The following PRDM7 variants were observed in gnomAD, a reference collection of about 807,000 sequenced individuals.
The protein encoded by PRDM7 is histone-lysine N-methyltransferase PRDM7.
PRDM7 carries 52 observed loss-of-function variants against 64.3 expected under a neutral mutation model. That is an observed-to-expected ratio of 0.81 (90% CI 0.65 to 1.02). The LOEUF (loss-of-function observed/expected upper bound fraction) is 1.02, where lower values mean the gene tolerates loss of function less well. Among genes scored for constraint, PRDM7 ranks in the 50% least tolerant of loss-of-function variants. The pLI is 0.00. For missense variants in PRDM7, 574 were observed against 597.1 expected, an observed-to-expected ratio of 0.96 and a Z score of 0.40; for synonymous variants, 192 against 210.1, an observed-to-expected ratio of 0.91 and a Z score of 0.74.
At chr16:90,067,038 C>T in intron 4 of PRDM7, 128 bp from the exon 5 acceptor site, 7 of 741,982 alleles carry the variant, frequency 9.4e-6, no homozygotes, top group Non-Finnish European at 1.2e-5. Context: ...AATCTCCCCT[C>T]ACTGCAACCT....
rs7206111 is a variant in PRDM7, at chr16:90,058,463, G to T, written c.1305C>A (p.Asn435Lys). The change falls in exon 11 of 11, where the codon AAC (asparagine) becomes AAA (lysine). Residue 435 changes from asparagine (N) to lysine (K), a missense_variant. Physicochemically the swap from Asn to Lys is moderately conservative, Grantham distance 94 (BLOSUM62 0). Coordinates refer to ENST00000449207, the MANE Select transcript of PRDM7 (RefSeq NM_001098173.2). The part of the protein sequence containing the change: ...WPFQVKNFSV[N>K]MWNAITPLRT... ...TGAGAGGAGTGATTGCGTTCCACAT[G>T]TTGACTGAGAAATTTTTGACTTGAA... 0.062 allele frequency: 99,912 copies of T among 1,614,070 alleles called. 3,549 individuals are homozygous for T. The highest frequency in any genetic ancestry group is 0.11 in the East Asian group (5,015 of 44,858).
At position 90,058,048 on chromosome 16, in the gene PRDM7, C is replaced by T; in HGVS notation, c.*241G>A. 6.2e-7 allele frequency: 1 copy of T among 1,612,222 alleles called. No homozygotes were observed. Among genetic ancestry groups the T allele is most frequent in the Non-Finnish European group, 8.5e-7 (1 of 1,178,700 alleles). ...GTAGGGCTTCCCCCCTGTGTGTGTC[C>T]TTTGGTGTGTAATAACATCTGACTT... is the stretch of plus-strand genomic sequence containing the variant. On this transcript the variant is annotated 3_prime_UTR_variant, in exon 11 of 11. Coordinates refer to ENST00000449207, the MANE Select transcript of PRDM7 (RefSeq NM_001098173.2).
At chr16:90,065,108 A>G (rs2037849121) in intron 5 of PRDM7, among the ~76,000 whole-genome samples, 1 of 150,824 alleles carries the variant, frequency 6.6e-6, no homozygotes, top group Non-Finnish European at 1.5e-5. Context: ...ATGTGAGATT[A>G]ATAATTATTC....
intron 4 of PRDM7, among the ~76,000 whole-genome samples, chr16:90,068,641 A>T (rs1296502650): frequency 6.6e-6 from 1 of 151,140 alleles, no homozygotes; most frequent in Non-Finnish European, 1.5e-5. Flanking sequence ...TCTCAAAAAA[A>T]AAAAAAAAAA....
rs116348292 is a variant in PRDM7, at chr16:90,057,646, G to T, written c.*643C>A. 17 of 1,068,332 alleles carry T rather than the reference G, an allele frequency of 1.6e-5. No homozygotes were observed. Among genetic ancestry groups the T allele is most frequent in the Non-Finnish European group, 1.8e-5 (15 of 836,640 alleles). The allele number at this position is 1,068,332 out of a possible 1,614,324, so 66.2% of individuals were successfully genotyped here. A position where few individuals can be genotyped will look rare whatever the true frequency, so the allele number is the denominator to read the frequency against. Reference sequence around the variant, plus strand: ...CCGAACACTTACAGAACTATCCCCTGTTCTTCCTCAACTCTAGTCATGAAA... The same window carrying T: ...CCGAACACTTACAGAACTATCCCCTTTTCTTCCTCAACTCTAGTCATGAAA... On this transcript the variant is annotated 3_prime_UTR_variant, in exon 11 of 11. Coordinates refer to ENST00000449207, the MANE Select transcript of PRDM7 (RefSeq NM_001098173.2).
intron 4 of PRDM7, among the ~76,000 whole-genome samples, chr16:90,073,194 T>C (rs1427082520): frequency 1.3e-5 from 2 of 152,162 alleles, no homozygotes; most frequent in South Asian, 2.1e-4. Flanking sequence ...TATAAGAGGA[T>C]CATATAGTAT....
rs763900039 is a variant in PRDM7, at chr16:90,061,986, A to C, written c.817T>G (p.Phe273Val). 7 of 1,614,264 alleles carry C rather than the reference A, an allele frequency of 4.3e-6. No homozygotes were observed. The Admixed American group carries it at 1.2e-4, about 27-fold the overall frequency. Residue 273 changes from phenylalanine to valine, a missense_variant, in exon 8 of 11, where the codon TTT becomes GTT. Coordinates refer to ENST00000449207, the MANE Select transcript of PRDM7 (RefSeq NM_001098173.2). ...EASDLPLGLH[F>V]GPYEGRITED... ...GTAATTCGGCCCTCATAGGGGCCAA[A>C]GTGCAGACCCAGTGGCAGATCAGAT...
rs547861890 is a variant in PRDM7 at position 90,063,758 on chromosome 16, T to G, written c.362A>C (p.Lys121Thr). The G allele has an allele frequency of 6.2e-7, 1 of 1,614,198 alleles. No individual in the cohort carries two copies. The highest frequency in any genetic ancestry group is 1.3e-5 in the African/African-American group (1 of 75,074). Reference protein sequence around the residue: ...EQSKHQKGMPKASFNNESSLR... With the variant: ...EQSKHQKGMPTASFNNESSLR... Reference sequence around the variant, plus strand: ...ACTAGATTCATTATTGAATGACGCCTTGGGCATTCCCTTTAATGTGAGAAT... The same window carrying G: ...ACTAGATTCATTATTGAATGACGCCGTGGGCATTCCCTTTAATGTGAGAAT... The change falls in exon 6 of 11, where the codon AAG (lysine) becomes ACG (threonine). Residue 121 changes from lysine to threonine, a missense_variant. By Grantham distance (78) the Lys-to-Thr change is moderately conservative. Coordinates refer to ENST00000449207, the MANE Select transcript of PRDM7 (RefSeq NM_001098173.2).
At chr16:90,068,791 G>C (rs2037916155) in intron 4 of PRDM7, among the ~76,000 whole-genome samples, 1 of 151,050 alleles carries the variant, frequency 6.6e-6, no homozygotes, top group South Asian at 2.1e-4. Context: ...AGAATAATTA[G>C]GAATAAACTT....
At position 90,070,529 on chromosome 16, in the gene PRDM7, A is replaced by G. The variant is rs1274828084; in HGVS notation, c.302-3619T>C. On this transcript the variant is annotated intron_variant, in intron 4 of 10. Coordinates refer to ENST00000449207, the MANE Select transcript of PRDM7 (RefSeq NM_001098173.2). ...AACCCGGGAGGTGGAGTTTGCAGTG[A>G]GCCGAGATTGCACCACTGAACTCCA... Among the ~76,000 whole-genome samples the G allele has an allele frequency of 2.0e-5, 3 of 151,156 alleles. 1 individual carries two copies. The highest frequency in any genetic ancestry group is 4.4e-5 in the Non-Finnish European group (3 of 67,972).
chr16:90,077,042 G>A (rs1012759018), intron 1 of PRDM7, among the ~76,000 whole-genome samples, 184 bp downstream of exon 1: 1 of 151,992 alleles, frequency 6.6e-6, no homozygotes, highest in African/African-American at 2.4e-5. Flanking sequence ...TGTTCCTCTG[G>A]GTGAAGGGAT....
intron 10 of PRDM7, among the ~76,000 whole-genome samples, chr16:90,058,931 G>A (rs1597680467): frequency 6.6e-6 from 1 of 152,102 alleles, no homozygotes; most frequent in Admixed American, 6.5e-5. Flanking sequence ...CTTTTGCGAC[G>A]CGAGGTTTTC....
chr16:90,059,797 A>C (rs2037740774), intron 10 of PRDM7, among the ~76,000 whole-genome samples: 1 of 152,128 alleles, frequency 6.6e-6, no homozygotes. Context: ...CAAAGCACTA[A>C]TCGCCGTCTG....
In PRDM7 at chr16:90,074,925, T is replaced by C. The variant is rs746196084; in HGVS notation, c.292A>G (p.Arg98Gly). 1 of 1,613,898 alleles carries C rather than the reference T, an allele frequency of 6.2e-7. No homozygotes were observed. Among genetic ancestry groups the C allele is most frequent in the East Asian group, 2.2e-5 (1 of 44,866 alleles). The change falls in exon 4 of 11, where the codon AGG becomes GGG. Residue 98 changes from arginine (R) to glycine (G), a missense_variant. By Grantham distance (125) the Arg-to-Gly change is moderately radical. Coordinates refer to ENST00000449207, the MANE Select transcript of PRDM7 (RefSeq NM_001098173.2). Reference protein sequence around the residue: ...TEDSDEEWTPRQQVKPPWMAF... With the variant: ...TEDSDEEWTPGQQVKPPWMAF... ...TTCCCTTCCCTCTTACCTTGCTGCCTAGGTGTCCATTCTTCATCGGAATCT... is the reference window on the plus strand; with the variant it reads ...TTCCCTTCCCTCTTACCTTGCTGCCCAGGTGTCCATTCTTCATCGGAATCT...
chr16:90,065,280 C>A (rs1208943142), intron 5 of PRDM7, among the ~76,000 whole-genome samples: 1 of 147,880 alleles, frequency 6.8e-6, no homozygotes, highest in East Asian at 2.0e-4. Flanking sequence ...GTAATCCCAG[C>A]TACTCGGGAG....
intron 9 of PRDM7, 130 bp from the exon 10 acceptor site, chr16:90,060,753 C>G (rs753486802): frequency 3.2e-4 from 412 of 1,268,110 alleles, no homozygotes; most frequent in Admixed American, 3.7e-4. Context: ...AAGCCCAACT[C>G]CAGACTTACC....
chr16:90,073,562 G>T (rs2151313581), intron 4 of PRDM7, among the ~76,000 whole-genome samples: 1 of 152,058 alleles, frequency 6.6e-6, no homozygotes, highest in South Asian at 2.1e-4. Context: ...ACCGTGCCTG[G>T]CTAATTTTTT....
intron 6 of PRDM7, 40 bp downstream of exon 6, chr16:90,063,572 G>C (rs745751153): frequency 1.9e-6 from 3 of 1,605,018 alleles, no homozygotes; most frequent in Non-Finnish European, 2.6e-6. Flanking sequence ...CCTTTCTAGA[G>C]GACATAGAGG....
At chr16:90,071,251 C>T (rs1416264540) in intron 4 of PRDM7, among the ~76,000 whole-genome samples, 1 of 152,152 alleles carries the variant, frequency 6.6e-6, no homozygotes, top group Admixed American at 6.5e-5. Flanking sequence ...TCTACCTCAA[C>T]CTCCCAAGTA....
Sources: gnomAD v4.1 joint callset for allele counts (sites outside exome capture counted in the v4.1 genomes callset) on GRCh38, gnomAD v4.1.1 for gene constraint, MANE v1.5 for transcripts, NCBI Gene and HGNC (gene_info 2026-07-23, HGNC 2026-07-21) for gene names.